CDC42BPA: variants seen among roughly 807,000 people sequenced by gnomAD.
The protein encoded by CDC42BPA is CDC42 binding protein kinase alpha.
Under a neutral mutation model 223.5 loss-of-function variants are expected in CDC42BPA, and 80 were observed. That is an observed-to-expected ratio of 0.36 (90% confidence interval 0.30 to 0.43). The LOEUF is 0.43. CDC42BPA is among the 20% of genes least tolerant of loss of function. The probability of loss-of-function intolerance (pLI) is 1.00; values close to 1 mark genes in which losing one functional copy is unlikely to be tolerated. For synonymous variants in CDC42BPA, 694 were observed against 718.6 expected (o/e 0.97, Z 0.55); for missense variants, 1,743 against 2,099.9 (o/e 0.83, Z 3.32).
In CDC42BPA at chr1:227,299,843, A is replaced by G. The variant is rs145801981; in HGVS notation, c.178+17162T>C. 3.1e-4 allele frequency among the ~76,000 whole-genome samples: 47 copies of G among 152,310 alleles called. No homozygotes were observed. In the East Asian group the frequency reaches 6.6e-3, roughly 21 times the overall value. ...GAAGCAAAGTATTACATAATTCAATAATAATTTCTTTTGGGGTGTGTTTTT... is the reference window on the plus strand; with the variant it reads ...GAAGCAAAGTATTACATAATTCAATGATAATTTCTTTTGGGGTGTGTTTTT... On this transcript the variant is annotated intron_variant, in intron 1 of 36. Transcript: ENST00000366766.
intron 6 of CDC42BPA, among the ~76,000 whole-genome samples, chr1:227,149,118 A>G (rs539219696): frequency 6.6e-6 from 1 of 152,298 alleles, no homozygotes; most frequent in East Asian, 1.9e-4. Context: ...TGTAAGAAAA[A>G]CGGTACATTA....
At chr1:227,233,865 G>A (rs1266833550) in intron 2 of CDC42BPA, among the ~76,000 whole-genome samples, 3 of 151,520 alleles carry the variant, frequency 2.0e-5, no homozygotes, top group African/African-American at 7.3e-5. Context: ...CCTAGGAGGT[G>A]GAAGTTGCAG....
intron 35 of CDC42BPA, among the ~76,000 whole-genome samples, chr1:226,995,400 A>G (rs1251149611): frequency 1.3e-5 from 2 of 152,188 alleles, no homozygotes; most frequent in African/African-American, 4.8e-5. Flanking sequence ...TCATTCTCCC[A>G]ATAGATGAGG....
intron 35 of CDC42BPA, among the ~76,000 whole-genome samples, chr1:226,999,035 A>C (rs1662233120): frequency 6.6e-6 from 1 of 152,198 alleles, no homozygotes; most frequent in African/African-American, 2.4e-5. Context: ...CAAGAAACAT[A>C]CAAAAAAAAG....
rs191050316 is a variant in CDC42BPA at position 227,075,543 on chromosome 1, T to C, written c.2481-1179A>G. On this transcript the variant is annotated intron_variant, in intron 17 of 36. Transcript: ENST00000366766. The stretch of plus-strand genomic sequence containing the variant: ...GACAGTTACACATTCCTAGGCTCTA[T>C]CTACATGTACACATTTTTATTGCCT... Among the ~76,000 whole-genome samples, 596 of 152,276 alleles carry C rather than the reference T, an allele frequency of 3.9e-3. 4 individuals carry two copies. The highest frequency in any genetic ancestry group is 0.014 in the African/African-American group (577 of 41,562).
intron 35 of CDC42BPA, among the ~76,000 whole-genome samples, chr1:227,001,559 G>C (rs1662851586): frequency 6.6e-6 from 1 of 152,160 alleles, no homozygotes; most frequent in African/African-American, 2.4e-5. Flanking sequence ...CAAAAGTGCT[G>C]AAAACCAAAA....
intron 6 of CDC42BPA, among the ~76,000 whole-genome samples, chr1:227,151,881 C>CAAAAAAAAAA (rs58336726): frequency 1.2e-5 from 1 of 85,772 alleles, no homozygotes; most frequent in Non-Finnish European, 2.2e-5. Context: ...CCAGTCTCTA[C>CAAAAAAAAAA]AAAAAAAAAA....
chr1:227,030,514 C>A (rs201180476), intron 28 of CDC42BPA, 44 bp from the exon 29 acceptor site: 4 of 1,172,396 alleles, frequency 3.4e-6, no homozygotes, highest in South Asian at 1.4e-5. Flanking sequence ...AGGAAAAAAA[C>A]CATGTAATGC....
At chr1:227,032,827 T>TGG (rs924848831) in intron 27 of CDC42BPA, among the ~76,000 whole-genome samples, 65 of 152,320 alleles carry the variant, frequency 4.3e-4, no homozygotes, top group African/African-American at 1.6e-3. Context: ...TTAGATGTTC[T>TGG]GGTCCCAAAT....
Position 226,994,386 on chromosome 1 carries a change from G to C in CDC42BPA, c.5147C>G (p.Pro1716Arg). 1 of 1,564,222 alleles carries C rather than the reference G, an allele frequency of 6.4e-7. No individual in the cohort carries two copies. The highest frequency in any genetic ancestry group is 8.7e-7 in the Non-Finnish European group (1 of 1,153,408). ...RDFDGEDSDS[P>R]RHSTASNSSN... ...ACTGTTGGAAGCTGTGGAATGCCTC[G>C]GAGAGTCAGAGTCCTGTAAGGCCCA... Residue 1716 changes from proline to arginine, a missense_variant, in exon 37 of 37, where the codon CCG (proline) becomes CGG (arginine). Pro to Arg is a moderately radical substitution (Grantham distance 103, BLOSUM62 -2). This residue lies in a region of CDC42BPA where 200 missense variants were observed against 192.8 expected (regional missense o/e 1.04). Coordinates refer to ENST00000366766, the MANE Select transcript of CDC42BPA (RefSeq NM_001394014.1). The surrounding 1 kb of genome is among the most constrained non-coding windows in gnomAD (Gnocchi z 4.0).
At chr1:227,257,417 G>C (rs1683270057) in intron 1 of CDC42BPA, among the ~76,000 whole-genome samples, 2 of 150,992 alleles carry the variant, frequency 1.3e-5, no homozygotes, top group Admixed American at 1.3e-4. Flanking sequence ...TCAAACAGGT[G>C]AATTGTTTGG....
At chr1:227,014,570 G>GTTT (rs142094209) in intron 34 of CDC42BPA, among the ~76,000 whole-genome samples, 1 of 151,406 alleles carries the variant, frequency 6.6e-6, no homozygotes, top group Non-Finnish European at 1.5e-5. Flanking sequence ...TTTAAAAGGC[G>GTTT]TTTTTTTTAA....
chr1:227,231,977 C>G (rs976109822), intron 2 of CDC42BPA, among the ~76,000 whole-genome samples: 1 of 152,164 alleles, frequency 6.6e-6, no homozygotes, highest in Admixed American at 6.5e-5. Flanking sequence ...TACAGAAGCT[C>G]TTTAGTTTAA....
At chr1:227,217,765 C>T (rs1572429247) in intron 2 of CDC42BPA, among the ~76,000 whole-genome samples, 1 of 152,152 alleles carries the variant, frequency 6.6e-6, no homozygotes, top group East Asian at 1.9e-4. Context: ...CACTCAATCC[C>T]AACTAGCCTT....
chr1:227,020,204 G>A (rs1327767298), intron 32 of CDC42BPA, among the ~76,000 whole-genome samples: 3 of 152,164 alleles, frequency 2.0e-5, no homozygotes, highest in African/African-American at 4.8e-5. Context: ...CCGAGTTACT[G>A]TAACTCTTAA....
chr1:227,193,063 CTTT>C (rs1160548241), intron 5 of CDC42BPA, among the ~76,000 whole-genome samples: 2 of 117,030 alleles, frequency 1.7e-5, no homozygotes, highest in East Asian at 4.5e-4. Context: ...GAAGTGAGAA[CTTT>C]TTTTTTTTTT....
chr1:227,098,420 A>G (rs1684409940), intron 15 of CDC42BPA, among the ~76,000 whole-genome samples: 1 of 152,134 alleles, frequency 6.6e-6, no homozygotes. Flanking sequence ...TCTCCAACTG[A>G]ATGTCTAATA....
intron 1 of CDC42BPA, among the ~76,000 whole-genome samples, chr1:227,268,679 T>TACAC (rs1162059011): frequency 1.4e-5 from 2 of 143,240 alleles, no homozygotes; most frequent in African/African-American, 5.2e-5. Context: ...TATATATATA[T>TACAC]ACACACACAC....
At chr1:227,214,422 C>G (rs1281140385) in intron 2 of CDC42BPA, among the ~76,000 whole-genome samples, 1 of 152,100 alleles carries the variant, frequency 6.6e-6, no homozygotes, top group Non-Finnish European at 1.5e-5. Flanking sequence ...AAGGAAGTAT[C>G]TCAATTTCAA....
Sources: gnomAD v4.1 joint callset for allele counts (sites outside exome capture counted in the v4.1 genomes callset) on GRCh38, gnomAD v4.1.1 for gene constraint, gnomAD v4.1.1 regional missense constraint, Gnocchi (gnomAD v3.1) non-coding constraint, MANE v1.5 for transcripts, NCBI Gene and HGNC (gene_info 2026-07-23, HGNC 2026-07-21) for gene names.